Variants in SPAG16 observed in about 807,000 individuals in gnomAD.
The protein encoded by SPAG16 is sperm associated antigen 16.
SPAG16 carries 86 observed loss-of-function variants against 80.4 expected under a neutral mutation model. The ratio of observed to expected loss-of-function variants is 1.07; its 90% confidence interval spans 0.90 to 1.28. The LOEUF (loss-of-function observed/expected upper bound fraction) is 1.28, where lower values mean the gene tolerates loss of function less well. SPAG16 is among the 50% of genes most tolerant of loss of function. The pLI, the probability that SPAG16 is intolerant of heterozygous loss-of-function variation, is 0.00. For missense variants in SPAG16, 870 were observed against 765.3 expected (o/e 1.14, Z -1.61); for synonymous variants, 294 against 265.9 (o/e 1.11, Z -1.03).
At chr2:214,374,186 C>T (rs1028839431) in intron 15 of SPAG16, among the ~76,000 whole-genome samples, 4 of 152,152 alleles carry the variant, frequency 2.6e-5, no homozygotes, top group African/African-American at 9.7e-5. Context: ...GTAAACACTG[C>T]CTTTATGCCA....
intron 11 of SPAG16, 142 bp downstream of exon 11, chr2:213,862,770 A>G (rs1575392391): frequency 1.1e-6 from 1 of 900,782 alleles, no homozygotes; most frequent in East Asian, 2.6e-5. Flanking sequence ...TGTATAGACA[A>G]ATTCCCCTTT....
intron 10 of SPAG16, among the ~76,000 whole-genome samples, chr2:213,808,312 C>A (rs959598551): frequency 2.6e-5 from 4 of 152,028 alleles, no homozygotes; most frequent in Admixed American, 1.3e-4. Context: ...ATGCAAAGAT[C>A]CTAAGGCAGA....
intron 12 of SPAG16, among the ~76,000 whole-genome samples, chr2:213,993,498 C>A (rs2046376373): frequency 6.6e-6 from 1 of 152,138 alleles, no homozygotes; most frequent in African/African-American, 2.4e-5. Context: ...CCTATTCAAT[C>A]CCTATTTTTG....
intron 9 of SPAG16, among the ~76,000 whole-genome samples, chr2:213,406,307 A>G (rs964984560): frequency 2.0e-5 from 3 of 152,174 alleles, no homozygotes; most frequent in Non-Finnish European, 4.4e-5. Context: ...GGAGATACCA[A>G]GGAAGATGGA....
chr2:213,372,333 A>G (rs1480298450), intron 8 of SPAG16, among the ~76,000 whole-genome samples: 1 of 152,120 alleles, frequency 6.6e-6, no homozygotes, highest in Non-Finnish European at 1.5e-5. Context: ...CCTTCTAGAA[A>G]TTGTAAATGC....
intron 10 of SPAG16, among the ~76,000 whole-genome samples, chr2:213,796,535 C>T (rs1043351108): frequency 4.6e-5 from 7 of 152,024 alleles, no homozygotes; most frequent in African/African-American, 1.7e-4. Flanking sequence ...CCACCTAATA[C>T]TTTGGTAAAG....
At chr2:213,799,961 A>C (rs1218271376) in intron 10 of SPAG16, among the ~76,000 whole-genome samples, 1 of 27,916 alleles carries the variant, frequency 3.6e-5, no homozygotes, top group African/African-American at 5.9e-5. Flanking sequence ...GACTGGATTG[A>C]AAAAAAAAAA....
chr2:214,007,354 G>A (rs1467224518), intron 12 of SPAG16, among the ~76,000 whole-genome samples: 6 of 151,682 alleles, frequency 4.0e-5, no homozygotes, highest in Non-Finnish European at 8.8e-5. Flanking sequence ...CCAGCATTTT[G>A]GGAGGCCAAA....
At chr2:213,520,357 C>T (rs777177241) in intron 10 of SPAG16, among the ~76,000 whole-genome samples, 4 of 151,572 alleles carry the variant, frequency 2.6e-5, no homozygotes, top group South Asian at 2.1e-4. Flanking sequence ...GAGGCTGAGG[C>T]GGGAAGATCA....
Position 213,909,388 on chromosome 2 carries a change from T to C in SPAG16, c.1215-20572T>C, listed in dbSNP as rs554549767. On this transcript the variant is annotated intron_variant, in intron 11 of 15. Transcript: ENST00000331683. The stretch of plus-strand genomic sequence containing the variant: ...TTGGAAAAAACTACTTTAAAGTTCA[T>C]ATGGAGCCAAAAAAGAGCCCGCATC... 2.6e-5 allele frequency among the ~76,000 whole-genome samples: 4 copies of C among 152,290 alleles called. No individual in the cohort carries two copies. In the East Asian group the frequency reaches 7.7e-4, roughly 29 times the overall value.
intron 10 of SPAG16, among the ~76,000 whole-genome samples, chr2:213,679,417 A>AATAAATGT (rs1380453363): frequency 1.3e-5 from 2 of 152,208 alleles, no homozygotes; most frequent in Non-Finnish European, 2.9e-5. Context: ...GAACTAACCA[A>AATAAATGT]ATAAATGTGC....
intron 5 of SPAG16, among the ~76,000 whole-genome samples, chr2:213,320,961 T>C (rs990315902): frequency 6.6e-6 from 1 of 152,096 alleles, no homozygotes; most frequent in Admixed American, 6.6e-5. Context: ...GGTTTTTCAA[T>C]TTGACTTCTG....
At chr2:213,628,610 C>T (rs1305902081) in intron 10 of SPAG16, among the ~76,000 whole-genome samples, 2 of 152,168 alleles carry the variant, frequency 1.3e-5, no homozygotes, top group African/African-American at 4.8e-5. Flanking sequence ...AACTTGGATT[C>T]GCACAACTTG....
intron 13 of SPAG16, among the ~76,000 whole-genome samples, chr2:214,062,110 T>C (rs2125184662): frequency 6.6e-6 from 1 of 151,910 alleles, no homozygotes; most frequent in African/African-American, 2.4e-5. Context: ...ATAGACATCT[T>C]AAAGTTACAT....
At chr2:214,182,921 G>A (rs1329286611) in intron 15 of SPAG16, among the ~76,000 whole-genome samples, 2 of 151,780 alleles carry the variant, frequency 1.3e-5, no homozygotes, top group Non-Finnish European at 2.9e-5. Context: ...CATCAATTAT[G>A]TGCTTCTTAT....
chr2:213,876,237 A>T (rs904201302), intron 11 of SPAG16, among the ~76,000 whole-genome samples: 6 of 151,776 alleles, frequency 4.0e-5, no homozygotes, highest in Admixed American at 3.3e-4. Context: ...GTTATTTGAA[A>T]CTTCAAGGAT....
At position 213,490,008 on chromosome 2, in the gene SPAG16, G is replaced by A. The variant is rs993646124; in HGVS notation, c.988G>A (p.Val330Ile). The stretch of plus-strand genomic sequence containing the variant: ...TATGCAACCAAATCCAAACCTGAAT[G>A]TTTCTAAAGAAAGTCTTTCTCCAGC... ...IDMQPNPNLNVSKESLSPAKF... is the reference protein window; with the variant it reads ...IDMQPNPNLNISKESLSPAKF... The change falls in exon 10 of 16, where the codon GTT becomes ATT. Residue 330 changes from valine to isoleucine, a missense_variant. Transcript: ENST00000331683. 1.2e-6 allele frequency: 2 copies of A among 1,609,716 alleles called. No homozygotes were observed. The highest frequency in any genetic ancestry group is 2.2e-5 in the East Asian group (1 of 44,562).
intron 12 of SPAG16, among the ~76,000 whole-genome samples, chr2:214,001,426 T>G (rs2046783421): frequency 6.6e-6 from 1 of 152,238 alleles, no homozygotes; most frequent in African/African-American, 2.4e-5. Context: ...ACTGTATGAT[T>G]GAAACTATGA....
chr2:213,744,458 T>C (rs985168215), intron 10 of SPAG16, among the ~76,000 whole-genome samples: 1 of 152,172 alleles, frequency 6.6e-6, no homozygotes, highest in Non-Finnish European at 1.5e-5. Flanking sequence ...GAATAAGGAA[T>C]TCTGTCTTTA....
Sources: allele counts gnomAD v4.1 joint callset (sites outside exome capture counted in the v4.1 genomes callset), GRCh38; gene constraint gnomAD v4.1.1; transcripts MANE v1.5; gene names NCBI Gene and HGNC (gene_info 2026-07-23, HGNC 2026-07-21).